The following SLC35F3 variants were observed in gnomAD, a reference collection of about 807,000 sequenced individuals.
SLC35F3 encodes putative thiamine transporter SLC35F3.
A neutral mutation model predicts 49.9 loss-of-function variants in SLC35F3; 25 were observed. The observed-to-expected ratio is 0.50, with a 90% CI of 0.37 to 0.70. The LOEUF (loss-of-function observed/expected upper bound fraction) is 0.70, where lower values mean the gene tolerates loss of function less well. SLC35F3 is among the 30% of genes least tolerant of loss of function. SLC35F3 has a pLI of 0.00. For synonymous variants in SLC35F3, 275 were observed against 265.4 expected (o/e 1.04, Z -0.35); for missense variants, 525 against 639.8 (o/e 0.82, Z 1.94).
At chr1:233,953,625 G>A (rs1054719586) in intron 2 of SLC35F3, among the ~76,000 whole-genome samples, 4 of 152,210 alleles carry the variant, frequency 2.6e-5, no homozygotes, top group South Asian at 2.1e-4. Flanking sequence ...TTGGCTGATG[G>A]CATCTGTTTA....
chr1:234,209,383 A>T (rs72760022), intron 2 of SLC35F3, among the ~76,000 whole-genome samples: 7,081 of 152,156 alleles, frequency 0.047, 180 homozygotes, highest in Middle Eastern at 0.095. Flanking sequence ...AGCTCCAGTG[A>T]AGCTTTAAAT....
chr1:234,222,488 A>T (rs1667221811), intron 2 of SLC35F3, among the ~76,000 whole-genome samples: 2 of 151,996 alleles, frequency 1.3e-5, no homozygotes, highest in African/African-American at 4.8e-5. Flanking sequence ...TTCATCTAAC[A>T]CTCCATCCAA....
chr1:233,990,475 G>A (rs1403593640), intron 2 of SLC35F3, among the ~76,000 whole-genome samples: 1 of 152,132 alleles, frequency 6.6e-6, no homozygotes, highest in Non-Finnish European at 1.5e-5. Context: ...GGAAAAAATG[G>A]GACGAAGTTA....
intron 3 of SLC35F3, among the ~76,000 whole-genome samples, chr1:234,298,609 C>T (rs969010953): frequency 9.2e-5 from 14 of 152,130 alleles, no homozygotes; most frequent in South Asian, 2.1e-4. Flanking sequence ...TTTTAAAATA[C>T]GTAAATTTCT....
At chr1:234,054,606 A>C (rs988323939) in intron 2 of SLC35F3, among the ~76,000 whole-genome samples, 1 of 152,108 alleles carries the variant, frequency 6.6e-6, no homozygotes, top group African/African-American at 2.4e-5. Context: ...AGTTCAGAGA[A>C]GTTTATTACC....
intron 2 of SLC35F3, among the ~76,000 whole-genome samples, chr1:233,945,287 G>A (rs57262768): frequency 6.6e-6 from 1 of 152,004 alleles, no homozygotes; most frequent in Non-Finnish European, 1.5e-5. Flanking sequence ...CACTTACAGA[G>A]CACAGTTGGA....
At chr1:233,964,299 C>T (rs1349456854) in intron 2 of SLC35F3, among the ~76,000 whole-genome samples, 3 of 152,140 alleles carry the variant, frequency 2.0e-5, no homozygotes, top group South Asian at 2.1e-4. Context: ...AAAATGCACA[C>T]AGCCATACGT....
At chr1:234,288,084 G>T (rs769272713) in intron 3 of SLC35F3, among the ~76,000 whole-genome samples, 1 of 151,742 alleles carries the variant, frequency 6.6e-6, no homozygotes, top group Non-Finnish European at 1.5e-5. Context: ...CTGGGGTCTC[G>T]CTATGTTGCC....
chr1:234,273,968 A>G (rs1668156222), intron 3 of SLC35F3, among the ~76,000 whole-genome samples: 1 of 151,076 alleles, frequency 6.6e-6, no homozygotes. Context: ...AATAGGCCAC[A>G]TGCTGGATAG....
intron 2 of SLC35F3, among the ~76,000 whole-genome samples, chr1:233,972,728 C>T (rs999094041): frequency 6.6e-6 from 1 of 152,222 alleles, no homozygotes; most frequent in East Asian, 1.9e-4. Flanking sequence ...TCTCATTTCT[C>T]TGTTCAAACA....
intron 2 of SLC35F3, among the ~76,000 whole-genome samples, chr1:234,118,141 G>A (rs541962837): frequency 8.5e-5 from 13 of 152,084 alleles, no homozygotes; most frequent in Admixed American, 7.2e-4. Context: ...GACTTCGGAA[G>A]ACAAAATAAT....
chr1:234,267,480 C>T (rs1282713672), intron 3 of SLC35F3, among the ~76,000 whole-genome samples: 40 of 141,004 alleles, frequency 2.8e-4, no homozygotes, highest in Non-Finnish European at 4.4e-4. Flanking sequence ...CCTCACCTCC[C>T]GGATGGGGCG....
In SLC35F3 at chr1:234,323,074, G is replaced by A. The variant is rs571477594; in HGVS notation, c.1304G>A (p.Gly435Asp). The change falls in exon 8 of 8, where the codon GGC (glycine) becomes GAC (aspartate). Residue 435 changes from glycine to aspartate, a missense_variant. Gly to Asp is a moderately conservative substitution (Grantham distance 94, BLOSUM62 -1). This residue lies in a region of SLC35F3 where 76 missense variants were observed against 95.6 expected (regional missense o/e 0.80). Transcript: ENST00000366618. The surrounding 1 kb of genome is among the most constrained non-coding windows in gnomAD (Gnocchi z 4.5). ...GVRVIAIIII[G>D]LGFLLLLLPE... ...CGGGTCATCGCCATCATCATCATCG[G>A]CCTGGGTTTTCTCCTCCTGCTCCTG... The A allele has an allele frequency of 6.2e-7, 1 of 1,613,994 alleles. No homozygotes were observed. The highest frequency in any genetic ancestry group is 1.7e-5 in the Admixed American group (1 of 60,002).
chr1:234,008,889 C>A (rs1327328592), intron 2 of SLC35F3, among the ~76,000 whole-genome samples: 1 of 152,170 alleles, frequency 6.6e-6, no homozygotes, highest in Admixed American at 6.5e-5. Flanking sequence ...TTTTGGTGGA[C>A]AAGATGGACT....
At chr1:234,012,234 G>A (rs190129274) in intron 2 of SLC35F3, among the ~76,000 whole-genome samples, 2 of 152,358 alleles carry the variant, frequency 1.3e-5, no homozygotes, top group Non-Finnish European at 2.9e-5. Context: ...CCGCCATAGG[G>A]TGGTTTTTCT....
intron 3 of SLC35F3, among the ~76,000 whole-genome samples, chr1:234,283,568 A>ATT (rs1318488969): frequency 6.6e-6 from 1 of 152,228 alleles, no homozygotes; most frequent in East Asian, 1.9e-4. Flanking sequence ...CAAGAGGGAG[A>ATT]TTTAATGGAC....
At chr1:234,059,611 ATAGAC>A (rs1452370813) in intron 2 of SLC35F3, among the ~76,000 whole-genome samples, 1 of 144,566 alleles carries the variant, frequency 6.9e-6, no homozygotes, top group Non-Finnish European at 1.5e-5. Context: ...AGACATAGAC[ATAGAC>A]TAGACATAGA....
intron 2 of SLC35F3, among the ~76,000 whole-genome samples, chr1:234,078,415 A>G (rs1664828406): frequency 6.6e-6 from 1 of 151,966 alleles, no homozygotes; most frequent in Non-Finnish European, 1.5e-5. Flanking sequence ...ATCTCACTTC[A>G]CCAAGATCAC....
intron 2 of SLC35F3, among the ~76,000 whole-genome samples, chr1:234,062,569 T>C (rs1442429393): frequency 6.6e-6 from 1 of 152,250 alleles, no homozygotes; most frequent in Non-Finnish European, 1.5e-5. Flanking sequence ...CTGGTTTTGA[T>C]TGTGCCCTTA....
Sources: allele counts gnomAD v4.1 joint callset (sites outside exome capture counted in the v4.1 genomes callset), GRCh38; gene constraint gnomAD v4.1.1; regional missense constraint gnomAD v4.1.1; non-coding constraint Gnocchi (gnomAD v3.1); transcripts MANE v1.5; gene names NCBI Gene and HGNC (gene_info 2026-07-23, HGNC 2026-07-21).